TRNAU1AP: variants seen among roughly 807,000 people sequenced by gnomAD.
The protein encoded by TRNAU1AP is tRNA selenocysteine 1 associated protein 1, also known as tRNA selenocysteine 1-associated protein 1.
TRNAU1AP carries 33 observed loss-of-function variants against 43.3 expected under a neutral mutation model. The observed-to-expected ratio is 0.76, with a 90% CI of 0.58 to 1.02. TRNAU1AP has a LOEUF of 1.02. Ranked by LOEUF, TRNAU1AP falls within the 50% of genes least tolerant of loss-of-function variation. The pLI is 0.00. For missense variants in TRNAU1AP, 290 were observed against 362.7 expected, an observed-to-expected ratio of 0.80 and a Z score of 1.63; for synonymous variants, 143 against 129.1, an observed-to-expected ratio of 1.11 and a Z score of -0.73.
intron 2 of TRNAU1AP, chr1:28,554,055 G>C (rs1029532844): frequency 4.9e-6 from 1 of 204,930 alleles, no homozygotes; most frequent in African/African-American, 2.3e-5. Context: ...AAAATTAGCC[G>C]GGTGTGGTGG....
intron 8 of TRNAU1AP, 139 bp from the exon 9 acceptor site, chr1:28,577,361 G>A (rs1468784398): frequency 6.9e-6 from 6 of 875,802 alleles, no homozygotes; most frequent in Non-Finnish European, 1.1e-5. Flanking sequence ...AACCCTGCAA[G>A]GCAGTGCTTT....
At chr1:28,568,708 G>A (rs542443120) in intron 6 of TRNAU1AP, among the ~76,000 whole-genome samples, 3 of 152,138 alleles carry the variant, frequency 2.0e-5, no homozygotes, top group Admixed American at 6.6e-5. Context: ...AGTGGGTATC[G>A]GCCAAGGATA....
intron 2 of TRNAU1AP, among the ~76,000 whole-genome samples, chr1:28,554,659 G>A (rs899757448): frequency 2.6e-5 from 4 of 151,802 alleles, no homozygotes; most frequent in African/African-American, 4.8e-5. Flanking sequence ...TGGCTAACAC[G>A]GTGAAACCCC....
At chr1:28,563,871 T>C (rs1665476044) in intron 4 of TRNAU1AP, among the ~76,000 whole-genome samples, 1 of 151,476 alleles carries the variant, frequency 6.6e-6, no homozygotes, top group African/African-American at 2.4e-5. Flanking sequence ...AAAAAAAAAA[T>C]AACAAAGGTT....
At chr1:28,553,279 G>A in intron 1 of TRNAU1AP, 142 bp downstream of exon 1, 1 of 1,038,356 alleles carries the variant, frequency 9.6e-7, no homozygotes. Context: ...ACACAGAAGC[G>A]GGTTCCAGCA....
chr1:28,577,605 CAG>C lies in TRNAU1AP; in HGVS notation c.834_835del (p.Ser280PhefsTer20), dbSNP rs749204974. On this transcript the variant is annotated frameshift_variant, in exon 9 of 9. Transcript: ENST00000373830. LOFTEE classifies it high-confidence loss of function. Reference sequence around the variant, plus strand: ...GACTGTCACTGGCAGCCCCTGGACACAGTGTCTTCAGAGATCCCTGCCATGAT... The same window carrying C: ...GACTGTCACTGGCAGCCCCTGGACACTGTCTTCAGAGATCCCTGCCATGAT... 2.5e-6 allele frequency: 4 copies of C among 1,614,032 alleles called. No individual in the cohort carries two copies. Among genetic ancestry groups the C allele is most frequent in the East Asian group, 2.2e-5 (1 of 44,896 alleles).
At chr1:28,561,658 C>G (rs563565116) in intron 4 of TRNAU1AP, among the ~76,000 whole-genome samples, 3 of 152,280 alleles carry the variant, frequency 2.0e-5, no homozygotes, top group African/African-American at 7.2e-5. Context: ...GCCTTGTTAG[C>G]CAGGTGCAGT....
At chr1:28,555,560 C>T (rs945686562) in intron 2 of TRNAU1AP, among the ~76,000 whole-genome samples, 1 of 148,940 alleles carries the variant, frequency 6.7e-6, no homozygotes, top group Non-Finnish European at 1.5e-5. Context: ...TGCAGTGGCG[C>T]GATCTTGGCT....
At position 28,578,402 on chromosome 1, in the gene TRNAU1AP, A is replaced by C; in HGVS notation, c.*766A>C. On this transcript the variant is annotated 3_prime_UTR_variant, in exon 9 of 9. Transcript: ENST00000373830. ...TGTTGGGACTTACTGCTTGAGGCAA[A>C]GCATTCATCCTACATCATAAAAAAT... 9.5e-6 allele frequency: 2 copies of C among 209,728 alleles called. No individual in the cohort carries two copies. Among genetic ancestry groups the C allele is most frequent in the South Asian group, 7.0e-5 (1 of 14,356 alleles). The allele number at this position is 209,728 out of a possible 1,614,324, so 13.0% of individuals were successfully genotyped here.
chr1:28,566,435 T>TAGCGAA (rs962637856), intron 5 of TRNAU1AP, among the ~76,000 whole-genome samples: 1 of 149,522 alleles, frequency 6.7e-6, no homozygotes, highest in East Asian at 2.0e-4. Context: ...CTGGCCAACA[T>TAGCGAA]AGCGAAACCC....
At chr1:28,573,612 A>G (rs1665710831) in intron 8 of TRNAU1AP, among the ~76,000 whole-genome samples, 1 of 151,896 alleles carries the variant, frequency 6.6e-6, no homozygotes, top group Non-Finnish European at 1.5e-5. Flanking sequence ...GCCGGTACTA[A>G]AAATAAAAAA....
At chr1:28,560,078 G>A (rs1665371103) in intron 2 of TRNAU1AP, among the ~76,000 whole-genome samples, 1 of 152,122 alleles carries the variant, frequency 6.6e-6, no homozygotes, top group Non-Finnish European at 1.5e-5. Flanking sequence ...GTTATAGTGA[G>A]CTGAGATCGA....
chr1:28,564,864 CTG>C lies in TRNAU1AP; in HGVS notation c.410+34_410+35del, dbSNP rs1009301025. 5.6e-6 allele frequency: 9 copies of C among 1,613,114 alleles called. No individual in the cohort carries two copies. In the Admixed American group the frequency reaches 6.7e-5, roughly 12 times the overall value. On this transcript the variant is annotated intron_variant, in intron 5 of 8. Coordinates refer to ENST00000373830, the MANE Select transcript of TRNAU1AP (RefSeq NM_017846.5). ...GGCCTTACTTGTTACTGATGCTTAA[CTG>C]TGTTAGTTTCAGCCTTTCTCTCCTG...
At chr1:28,572,280 A>C (rs1340977449) in intron 8 of TRNAU1AP, among the ~76,000 whole-genome samples, 1 of 151,934 alleles carries the variant, frequency 6.6e-6, no homozygotes, top group Non-Finnish European at 1.5e-5. Context: ...CGCAACCTCC[A>C]CCTGCCAGGT....
intron 4 of TRNAU1AP, among the ~76,000 whole-genome samples, chr1:28,563,697 A>G (rs1665470448): frequency 1.3e-5 from 2 of 151,640 alleles, no homozygotes; most frequent in South Asian, 2.1e-4. Context: ...AAAAAAAAAA[A>G]GGAAATTAGC....
chr1:28,567,355 C>T lies in TRNAU1AP; in HGVS notation c.472C>T (p.Gln158Ter). The T allele has an allele frequency of 6.2e-7, 1 of 1,613,954 alleles. No individual in the cohort carries two copies. The highest frequency in any genetic ancestry group is 8.5e-7 in the Non-Finnish European group (1 of 1,179,972). ...ACAGAAGCGAGCCCTGACGGAGTGC[C>T]AGGGAGCAGTGGGACTGGGGTCTAA... ...LEQKRALTEC[Q>*]GAVGLGSKPV... Residue 158 changes from glutamine (Q) to a stop codon, truncating the protein, a stop_gained, in exon 6 of 9, where the codon CAG becomes TAG. Coordinates refer to ENST00000373830, the MANE Select transcript of TRNAU1AP (RefSeq NM_017846.5). LOFTEE classifies it high-confidence loss of function.
chr1:28,553,735 T>C lies in TRNAU1AP; in HGVS notation c.123T>C (p.Thr41=), dbSNP rs778193736. 3 of 1,613,740 alleles carry C rather than the reference T, an allele frequency of 1.9e-6. No individual in the cohort carries two copies. Among genetic ancestry groups the C allele is most frequent in the Non-Finnish European group, 2.5e-6 (3 of 1,179,624 alleles). ...TCAAAATTATCCGAAACCGCCTCAC[T>C]GGGTAAGTCTCATCTCAGGTCTCTC... ...MSVKIIRNRL[T]GIPAGYCFVE... Residue 41 remains threonine (T), a splice_region_variant and synonymous_variant, in exon 2 of 9, where the codon ACT becomes ACC. Transcript: ENST00000373830.
rs1160918134 is a variant in TRNAU1AP at position 28,573,733 on chromosome 1, A to C, written c.727+1833A>C. Among the ~76,000 whole-genome samples the C allele has an allele frequency of 2.0e-5, 3 of 150,920 alleles. No individual in the cohort carries two copies. In the East Asian group the frequency reaches 5.9e-4, roughly 30 times the overall value. On this transcript the variant is annotated intron_variant, in intron 8 of 8. Coordinates refer to ENST00000373830, the MANE Select transcript of TRNAU1AP (RefSeq NM_017846.5). ...AGTTGCAGTGAGTCGAGATCATACC[A>C]CTGTACTCCAGCCTGGGCAACAGTG...
chr1:28,568,418 G>T (rs915425536), intron 6 of TRNAU1AP, among the ~76,000 whole-genome samples: 4 of 152,126 alleles, frequency 2.6e-5, no homozygotes, highest in Non-Finnish European at 4.4e-5. Context: ...TGGTACTACA[G>T]GTGCACACCA....
Sources: allele counts gnomAD v4.1 joint callset (sites outside exome capture counted in the v4.1 genomes callset), GRCh38; gene constraint gnomAD v4.1.1; transcripts MANE v1.5; gene names NCBI Gene and HGNC (gene_info 2026-07-23, HGNC 2026-07-21).